Variants in GABPB1 observed in about 807,000 individuals in gnomAD.
GABPB1 encodes GA-binding protein subunit beta-1.
In GABPB1, 15 loss-of-function variants were observed where a neutral mutation model predicts 45.9. The ratio of observed to expected loss-of-function variants is 0.33; its 90% CI spans 0.22 to 0.50. The LOEUF is 0.50. Ranked by LOEUF, GABPB1 falls within the 20% of genes least tolerant of loss-of-function variation. The pLI, the probability that GABPB1 is intolerant of heterozygous loss-of-function variation, is 0.98. For synonymous variants in GABPB1, 143 were observed against 154.4 expected, an observed-to-expected ratio of 0.93 and a Z score of 0.55; for missense variants, 252 against 457.5, an observed-to-expected ratio of 0.55 and a Z score of 4.10.
intron 6 of GABPB1, among the ~76,000 whole-genome samples, chr15:50,296,351 CTA>C (rs1314624054): frequency 3.9e-5 from 6 of 152,108 alleles, no homozygotes; most frequent in Non-Finnish European, 8.8e-5. Context: ...AACAGACTAC[CTA>C]TTACTAGAAA....
At chr15:50,285,948 A>G in intron 8 of GABPB1, 120 bp downstream of exon 8, 1 of 1,449,286 alleles carries the variant, frequency 6.9e-7, no homozygotes, top group Non-Finnish European at 9.1e-7. Context: ...CAAAATGAAA[A>G]TACTACGCAC....
At chr15:50,295,638 C>A (rs1439445607) in intron 6 of GABPB1, among the ~76,000 whole-genome samples, 1 of 150,352 alleles carries the variant, frequency 6.7e-6, no homozygotes, top group African/African-American at 2.4e-5. Context: ...AAAAAGCTTT[C>A]ACTTTTTTGT....
chr15:50,297,503 C>T (rs888658315), intron 6 of GABPB1, among the ~76,000 whole-genome samples: 2 of 152,162 alleles, frequency 1.3e-5, no homozygotes, highest in Admixed American at 6.5e-5. Flanking sequence ...AGTGAGCCTG[C>T]GCTCCCGGCA....
intron 7 of GABPB1, among the ~76,000 whole-genome samples, chr15:50,287,768 C>A (rs1200322047): frequency 1.3e-5 from 2 of 152,168 alleles, no homozygotes. Flanking sequence ...AGAATTAGTT[C>A]TTTAATGCTT....
At chr15:50,285,934 T>C in intron 8 of GABPB1, 134 bp downstream of exon 8, 1 of 1,434,418 alleles carries the variant, frequency 7.0e-7, no homozygotes, top group Non-Finnish European at 9.1e-7. Context: ...AAGGCAAAAA[T>C]AAACAAAATG....
At chr15:50,310,680 T>C (rs750553277) in intron 1 of GABPB1, among the ~76,000 whole-genome samples, 7 of 152,086 alleles carry the variant, frequency 4.6e-5, no homozygotes, top group Non-Finnish European at 7.4e-5. Flanking sequence ...GAATAGACTG[T>C]CTCATTAGAG....
chr15:50,312,350 T>C (rs896712190), intron 1 of GABPB1, among the ~76,000 whole-genome samples: 1 of 152,238 alleles, frequency 6.6e-6, no homozygotes, highest in African/African-American at 2.4e-5. Flanking sequence ...TTTTCATCCT[T>C]GAATTTCTGA....
chr15:50,281,840 G>C (rs2045988219), intron 8 of GABPB1, among the ~76,000 whole-genome samples: 1 of 152,134 alleles, frequency 6.6e-6, no homozygotes, highest in Non-Finnish European at 1.5e-5. Context: ...AGTGGCTCAT[G>C]CCTGTAATCC....
intron 1 of GABPB1, among the ~76,000 whole-genome samples, chr15:50,346,790 CT>C (rs796246086): frequency 1.0e-3 from 139 of 133,336 alleles, no homozygotes; most frequent in South Asian, 7.3e-4. Context: ...TGTCTGGAGT[CT>C]TTTTTTTTTT....
intron 1 of GABPB1, chr15:50,354,657 G>A (rs2049018816): frequency 2.3e-6 from 1 of 429,438 alleles, no homozygotes; most frequent in South Asian, 1.6e-5. Context: ...GCTGCCGCTC[G>A]GGACCGGCAA....
intron 1 of GABPB1, chr15:50,351,421 A>T (rs575029998): frequency 6.6e-6 from 1 of 152,328 alleles, no homozygotes; most frequent in Non-Finnish European, 1.5e-5. Flanking sequence ...ACAAAAAATT[A>T]AAAAATTAGC....
At chr15:50,343,459 T>C (rs2048455715) in intron 1 of GABPB1, among the ~76,000 whole-genome samples, 1 of 152,188 alleles carries the variant, frequency 6.6e-6, no homozygotes, top group Admixed American at 6.5e-5. Context: ...ACTGTATGGC[T>C]TGCTCCTGCA....
intron 1 of GABPB1, among the ~76,000 whole-genome samples, chr15:50,319,440 C>A (rs1400575395): frequency 1.3e-5 from 2 of 152,072 alleles, no homozygotes; most frequent in Non-Finnish European, 2.9e-5. Flanking sequence ...TGCCACCCTC[C>A]CCGCTTTTGG....
Position 50,278,193 on chromosome 15 carries a change from T to C in GABPB1, c.*439A>G, listed in dbSNP as rs2045875624. 6.5e-6 allele frequency: 1 copy of C among 152,840 alleles called. No homozygotes were observed. The highest frequency in any genetic ancestry group is 2.4e-5 in the African/African-American group (1 of 41,470). The allele number at this position is 152,840 out of a possible 1,614,324, so 9.5% of individuals were successfully genotyped here. A position where few individuals can be genotyped will look rare whatever the true frequency, so the allele number is the denominator to read the frequency against. Reference sequence around the variant, plus strand: ...AAGATTTCCTGGGAGAAATCTTCTCTTCATACAGAGGTTTATACCTACAGG... The same window carrying C: ...AAGATTTCCTGGGAGAAATCTTCTCCTCATACAGAGGTTTATACCTACAGG... On this transcript the variant is annotated 3_prime_UTR_variant, in exon 9 of 9. Transcript: ENST00000380877.
Position 50,278,147 on chromosome 15 carries a change from G to A in GABPB1, c.*485C>T, listed in dbSNP as rs925024486. 1 of 152,578 alleles carries A rather than the reference G, an allele frequency of 6.6e-6. No homozygotes were observed. Among genetic ancestry groups the A allele is most frequent in the African/African-American group, 2.4e-5 (1 of 41,426 alleles). 9.5% of individuals were successfully genotyped at this position (152,578 alleles called of 1,614,324 possible). On this transcript the variant is annotated 3_prime_UTR_variant, in exon 9 of 9. Transcript: ENST00000380877. ...TCTAAAAAATGTTTTCAGAGAATCT[G>A]ACACAACTTAAAGCTGTACAAAGAT...
intron 1 of GABPB1, among the ~76,000 whole-genome samples, chr15:50,310,033 A>G (rs947504319): frequency 6.6e-6 from 1 of 152,224 alleles, no homozygotes; most frequent in Admixed American, 6.5e-5. Context: ...AAATTCTCCA[A>G]ATACATCTGG....
intron 6 of GABPB1, among the ~76,000 whole-genome samples, chr15:50,298,377 C>T (rs1461843205): frequency 6.6e-6 from 1 of 152,204 alleles, no homozygotes; most frequent in Non-Finnish European, 1.5e-5. Flanking sequence ...TGAGCCACCA[C>T]ACCCGGCCAG....
rs146512367 is a variant in GABPB1, at chr15:50,331,098, T to C, written c.1-21300A>G. Among the ~76,000 whole-genome samples, 342 of 152,318 alleles carry C rather than the reference T, an allele frequency of 2.2e-3. 1 individual carries two copies. Among genetic ancestry groups the C allele is most frequent in the Non-Finnish European group, 4.1e-3 (281 of 68,032 alleles). On this transcript the variant is annotated intron_variant, in intron 1 of 8. Transcript: ENST00000380877. The stretch of plus-strand genomic sequence containing the variant: ...ATGCACAAGTCATTCTCTTGGTTGC[T>C]TAGCATCAAAACACCTTCTTGTCCT...
intron 1 of GABPB1, among the ~76,000 whole-genome samples, chr15:50,335,646 C>G (rs1269476813): frequency 6.6e-6 from 1 of 152,016 alleles, no homozygotes; most frequent in African/African-American, 2.4e-5. Flanking sequence ...CACCTGTAAT[C>G]CCAGCACTTT....
Sources: gnomAD v4.1 joint callset for allele counts (sites outside exome capture counted in the v4.1 genomes callset) on GRCh38, gnomAD v4.1.1 for gene constraint, MANE v1.5 for transcripts, NCBI Gene and HGNC (gene_info 2026-07-23, HGNC 2026-07-21) for gene names.